The following CTNNA2 variants were observed in gnomAD, a reference collection of about 807,000 sequenced individuals.
The protein encoded by CTNNA2 is catenin alpha-2.
Under a neutral mutation model 101.0 loss-of-function variants are expected in CTNNA2, and 42 were observed. The observed-to-expected ratio is 0.42, with a 90% CI of 0.32 to 0.54. The LOEUF is 0.54. CTNNA2 is among the 20% of genes least tolerant of loss of function. The probability of loss-of-function intolerance (pLI) is 0.14; values close to 1 mark genes in which losing one functional copy is unlikely to be tolerated. For missense variants in CTNNA2, 871 were observed against 1,223.1 expected (o/e 0.71, Z 4.29); for synonymous variants, 450 against 456.4 (o/e 0.99, Z 0.18).
At chr2:80,316,480 A>C (rs1252688203) in intron 7 of CTNNA2, among the ~76,000 whole-genome samples, 5 of 152,160 alleles carry the variant, frequency 3.3e-5, no homozygotes, top group Non-Finnish European at 7.3e-5. Context: ...TATCTCTAGA[A>C]CATGTGCAAG....
intron 7 of CTNNA2, among the ~76,000 whole-genome samples, chr2:80,039,171 A>G (rs1369111015): frequency 6.6e-6 from 1 of 152,204 alleles, no homozygotes; most frequent in East Asian, 1.9e-4. Context: ...AGCCCAGGGT[A>G]GATGGAGGGT....
intron 1 of CTNNA2, among the ~76,000 whole-genome samples, chr2:79,617,255 G>A (rs1301547861): frequency 8.6e-5 from 13 of 152,032 alleles, no homozygotes; most frequent in Admixed American, 8.5e-4. Context: ...CTCTGCCTAG[G>A]AGTGAAAATA....
chr2:80,529,163 C>T (rs1690303069), intron 9 of CTNNA2, among the ~76,000 whole-genome samples: 1 of 152,142 alleles, frequency 6.6e-6, no homozygotes, highest in African/African-American at 2.4e-5. Flanking sequence ...ACTTTGGGGT[C>T]AGCCAACTTT....
intron 2 of CTNNA2, among the ~76,000 whole-genome samples, chr2:79,266,794 T>C (rs1266203359): frequency 2.0e-5 from 3 of 152,048 alleles, no homozygotes; most frequent in East Asian, 3.9e-4. Context: ...TGGGTGATGC[T>C]CGGTGCCCTC....
At chr2:79,365,466 T>A (rs1276094319) in intron 3 of CTNNA2, among the ~76,000 whole-genome samples, 1 of 151,018 alleles carries the variant, frequency 6.6e-6, no homozygotes, top group Non-Finnish European at 1.5e-5. Context: ...TCTACAAATT[T>A]TTTTTTTAAA....
At chr2:80,341,347 A>G (rs1672227238) in intron 7 of CTNNA2, among the ~76,000 whole-genome samples, 1 of 152,154 alleles carries the variant, frequency 6.6e-6, no homozygotes, top group Admixed American at 6.5e-5. Flanking sequence ...CAGTCATCTC[A>G]TTAATATAGA....
chr2:80,503,585 C>A (rs573608059), intron 9 of CTNNA2, among the ~76,000 whole-genome samples: 1 of 152,248 alleles, frequency 6.6e-6, no homozygotes, highest in Admixed American at 6.5e-5. Flanking sequence ...AACAAACAAA[C>A]TTTTAATGGC....
rs531845329 is a variant in CTNNA2 at position 80,035,147 on chromosome 2, G to T, written c.1056+125350G>T. Among the ~76,000 whole-genome samples, 301 of 152,180 alleles carry T rather than the reference G, an allele frequency of 2.0e-3. 4 individuals are homozygous for T. The highest frequency in any genetic ancestry group is 6.7e-3 in the African/African-American group (278 of 41,506). ...GTGTTATTTTGGGTAAATCTCCCAG[G>T]GATACGGTTCAGAAACAATTCAACA... On this transcript the variant is annotated intron_variant, in intron 7 of 18. Transcript: ENST00000402739.
intron 2 of CTNNA2, among the ~76,000 whole-genome samples, chr2:79,277,105 C>T (rs1291312445): frequency 6.6e-6 from 1 of 152,092 alleles, no homozygotes; most frequent in Non-Finnish European, 1.5e-5. Flanking sequence ...AGATAAAGAG[C>T]AGGATCTTTG....
At chr2:79,507,174 T>G (rs574648841) in intron 5 of CTNNA2, among the ~76,000 whole-genome samples, 4 of 152,294 alleles carry the variant, frequency 2.6e-5, no homozygotes, top group African/African-American at 9.6e-5. Context: ...ATAAGGAGGC[T>G]GGATAGGAAA....
intron 2 of CTNNA2, among the ~76,000 whole-genome samples, chr2:79,229,108 T>C (rs1299681989): frequency 1.3e-5 from 2 of 152,236 alleles, no homozygotes; most frequent in South Asian, 4.1e-4. Context: ...GTTCCATTGG[T>C]CTACGTGTCT....
chr2:79,775,807 G>C (rs1486436330), intron 3 of CTNNA2, among the ~76,000 whole-genome samples: 1 of 152,132 alleles, frequency 6.6e-6, no homozygotes, highest in Non-Finnish European at 1.5e-5. Context: ...TCCACCACCA[G>C]CTAAATAGCA....
At chr2:79,372,787 T>C (rs1677901711) in intron 3 of CTNNA2, among the ~76,000 whole-genome samples, 1 of 152,194 alleles carries the variant, frequency 6.6e-6, no homozygotes. Flanking sequence ...GCATTGATTA[T>C]ACCCAAAGGC....
At chr2:80,079,900 A>AAAAT (rs1397622543) in intron 7 of CTNNA2, among the ~76,000 whole-genome samples, 5 of 146,948 alleles carry the variant, frequency 3.4e-5, no homozygotes, top group Non-Finnish European at 6.1e-5. Flanking sequence ...TAAAATAAAT[A>AAAAT]AAATAAAATA....
chr2:79,260,109 C>T (rs1044133619), intron 2 of CTNNA2, among the ~76,000 whole-genome samples: 4 of 152,124 alleles, frequency 2.6e-5, no homozygotes, highest in African/African-American at 7.2e-5. Context: ...TCACCAGAGC[C>T]TCTCTTCCAC....
intron 3 of CTNNA2, among the ~76,000 whole-genome samples, chr2:79,757,431 A>G (rs1426643904): frequency 6.6e-6 from 1 of 152,240 alleles, no homozygotes; most frequent in Non-Finnish European, 1.5e-5. Flanking sequence ...AAGATTGCCA[A>G]TTCAGGACTG....
intron 7 of CTNNA2, among the ~76,000 whole-genome samples, chr2:80,294,216 C>T (rs2862286): frequency 0.57 from 85,925 of 152,024 alleles, 25,318 homozygotes; most frequent in African/African-American, 0.75. Context: ...AGTCTTCTTG[C>T]CTTAAAAATG....
intron 7 of CTNNA2, among the ~76,000 whole-genome samples, chr2:80,222,010 G>C (rs1034491156): frequency 6.6e-6 from 1 of 152,112 alleles, no homozygotes; most frequent in African/African-American, 2.4e-5. Context: ...CTCCTGGAAG[G>C]CTTTGCCATT....
chr2:80,011,795 C>T (rs903184520), intron 7 of CTNNA2, among the ~76,000 whole-genome samples: 2 of 152,100 alleles, frequency 1.3e-5, no homozygotes, highest in Admixed American at 1.3e-4. Context: ...TACGATGTTC[C>T]AGTATCTATG....
Sources: allele counts gnomAD v4.1 joint callset (sites outside exome capture counted in the v4.1 genomes callset), GRCh38; gene constraint gnomAD v4.1.1; transcripts MANE v1.5; gene names NCBI Gene and HGNC (gene_info 2026-07-23, HGNC 2026-07-21).